AGBL1: variants seen among roughly 807,000 people sequenced by gnomAD.
AGBL1 encodes cytosolic carboxypeptidase 4.
Under a neutral mutation model 118.9 loss-of-function variants are expected in AGBL1, and 130 were observed. That is an observed-to-expected ratio of 1.09 (90% CI 0.95 to 1.26). The LOEUF (loss-of-function observed/expected upper bound fraction) is 1.26, where lower values mean the gene tolerates loss of function less well. Ranked by LOEUF, AGBL1 falls within the 50% of genes most tolerant of loss-of-function variation. AGBL1 has a pLI of 0.00. For synonymous variants in AGBL1, 555 were observed against 478.9 expected, an observed-to-expected ratio of 1.16 and a Z score of -2.08; for missense variants, 1,584 against 1,298.1, an observed-to-expected ratio of 1.22 and a Z score of -3.38.
intron 17 of AGBL1, among the ~76,000 whole-genome samples, chr15:86,393,242 T>C (rs1014268586): frequency 3.3e-5 from 5 of 152,192 alleles, no homozygotes; most frequent in African/African-American, 1.2e-4. Context: ...AGACACATTG[T>C]TGATGTCTCT....
intron 21 of AGBL1, among the ~76,000 whole-genome samples, chr15:86,669,218 C>T (rs1036332044): frequency 6.6e-6 from 1 of 151,954 alleles, no homozygotes; most frequent in East Asian, 1.9e-4. Flanking sequence ...ACTGCATATG[C>T]AGGAATAATC....
chr15:86,991,138 G>A (rs1299335359), intron 24 of AGBL1, among the ~76,000 whole-genome samples: 2 of 152,186 alleles, frequency 1.3e-5, no homozygotes, highest in South Asian at 2.1e-4. Flanking sequence ...GAGTGTCTAG[G>A]ATTCTCGCTG....
At chr15:86,179,423 T>C (rs1010318412) in intron 5 of AGBL1, among the ~76,000 whole-genome samples, 1 of 152,216 alleles carries the variant, frequency 6.6e-6, no homozygotes, top group Non-Finnish European at 1.5e-5. Context: ...GAAATCATTA[T>C]ATATGATTGA....
downstream of AGBL1, among the ~76,000 whole-genome samples, chr15:86,920,468 G>A (rs564574257): frequency 1.1e-4 from 17 of 152,276 alleles, no homozygotes; most frequent in Admixed American, 9.8e-4. Flanking sequence ...ATAATCACAG[G>A]AGTGAAATCT....
At chr15:86,781,957 C>A (rs1172518291) in intron 22 of AGBL1, among the ~76,000 whole-genome samples, 1 of 151,798 alleles carries the variant, frequency 6.6e-6, no homozygotes, top group South Asian at 2.1e-4. Flanking sequence ...CGAGAAGTTT[C>A]TCTTTGTCCT....
chr15:86,964,896 C>A (rs1368692939), intron 23 of AGBL1, among the ~76,000 whole-genome samples: 2 of 151,892 alleles, frequency 1.3e-5, no homozygotes, highest in Admixed American at 6.6e-5. Context: ...GTTTTCTGTT[C>A]CCGTGACAGT....
chr15:86,748,472 G>A (rs76125996), intron 22 of AGBL1, among the ~76,000 whole-genome samples: 15,169 of 118,710 alleles, frequency 0.13, 837 homozygotes, highest in East Asian at 0.25. Flanking sequence ...TTGTGCAGAA[G>A]CTCTTTAGTT....
chr15:86,471,677 T>C (rs536939434), intron 18 of AGBL1, among the ~76,000 whole-genome samples: 15 of 152,256 alleles, frequency 9.9e-5, no homozygotes, highest in African/African-American at 3.4e-4. Context: ...GGCTTCTCTT[T>C]GTAAATTTTC....
At chr15:86,625,933 A>AT (rs547155721) in intron 21 of AGBL1, among the ~76,000 whole-genome samples, 152 of 152,300 alleles carry the variant, frequency 1.0e-3, no homozygotes, top group African/African-American at 3.5e-3. Flanking sequence ...GCTGTATCCC[A>AT]TTGGTGGAAC....
intron 7 of AGBL1, among the ~76,000 whole-genome samples, chr15:86,251,821 G>GGAA (rs1555455886): frequency 0.033 from 4,828 of 146,350 alleles, 278 homozygotes; most frequent in African/African-American, 0.12. Context: ...ATGCAAGATT[G>GGAA]AAAAAAAAAA....
At position 86,593,921 on chromosome 15, in the gene AGBL1, A is replaced by AT. The variant is rs560172850; in HGVS notation, c.2994+39397dup. Among the ~76,000 whole-genome samples the AT allele has an allele frequency of 2.7e-3, 392 of 143,906 alleles. 1 individual carries two copies. Among genetic ancestry groups the AT allele is most frequent in the East Asian group, 6.3e-3 (31 of 4,940 alleles). The allele number at this position is 143,906 out of a possible 152,430, so 94.4% of individuals were successfully genotyped here. A position where few individuals can be genotyped will look rare whatever the true frequency, so the allele number is the denominator to read the frequency against. On this transcript the variant is annotated intron_variant, in intron 21 of 22. Coordinates refer to ENST00000614907, the MANE Select transcript of AGBL1 (RefSeq NM_001386094.1). ...TCTTTATCTTGTGTGACACTGATTGATTTTTTTTTTTTTAATTTTGAAACA... is the reference window on the plus strand; with the variant it reads ...TCTTTATCTTGTGTGACACTGATTGATTTTTTTTTTTTTTAATTTTGAAACA...
chr15:86,157,028 G>T (rs540645318), intron 4 of AGBL1, among the ~76,000 whole-genome samples: 1 of 151,944 alleles, frequency 6.6e-6, no homozygotes, highest in South Asian at 2.1e-4. Context: ...GACCTCAGGT[G>T]ATCCACCCAC....
chr15:86,375,525 G>A (rs985377898), intron 17 of AGBL1, among the ~76,000 whole-genome samples: 4 of 152,086 alleles, frequency 2.6e-5, no homozygotes, highest in African/African-American at 9.7e-5. Flanking sequence ...ACCATGTCAG[G>A]TACAGAACTC....
At chr15:86,857,738 C>T (rs1025180149) in intron 22 of AGBL1, among the ~76,000 whole-genome samples, 4 of 152,138 alleles carry the variant, frequency 2.6e-5, no homozygotes, top group South Asian at 2.1e-4. Flanking sequence ...GGACGGTGTC[C>T]GTCTCATTTA....
chr15:86,830,212 A>G (rs911012626), intron 22 of AGBL1, among the ~76,000 whole-genome samples: 3 of 152,140 alleles, frequency 2.0e-5, no homozygotes, highest in African/African-American at 7.2e-5. Flanking sequence ...TTACCTACAC[A>G]TTATACCCAT....
intron 18 of AGBL1, among the ~76,000 whole-genome samples, chr15:86,485,199 A>G (rs2082698257): frequency 6.6e-6 from 1 of 152,176 alleles, no homozygotes; most frequent in African/African-American, 2.4e-5. Flanking sequence ...GGAGTTTGTT[A>G]GAAATGCACA....
At chr15:86,389,884 A>T (rs1258321270) in intron 17 of AGBL1, among the ~76,000 whole-genome samples, 1 of 152,140 alleles carries the variant, frequency 6.6e-6, no homozygotes. Flanking sequence ...GGACAAATGG[A>T]GAGCAAATAT....
intron 23 of AGBL1, among the ~76,000 whole-genome samples, chr15:86,971,069 C>T (rs2081103347): frequency 6.6e-6 from 1 of 151,918 alleles, no homozygotes; most frequent in East Asian, 1.9e-4. Context: ...TTGGCATCTG[C>T]AGTGGTTCTG....
At chr15:86,200,550 A>G (rs1471010464) in intron 5 of AGBL1, among the ~76,000 whole-genome samples, 6 of 72,142 alleles carry the variant, frequency 8.3e-5, no homozygotes, top group African/African-American at 1.4e-4. Flanking sequence ...ATAGACCCCT[A>G]CCCCCCCCCC....
Sources: allele counts gnomAD v4.1 joint callset (sites outside exome capture counted in the v4.1 genomes callset), GRCh38; gene constraint gnomAD v4.1.1; transcripts MANE v1.5; gene names NCBI Gene and HGNC (gene_info 2026-07-23, HGNC 2026-07-21).